UBAC2: variants seen among roughly 807,000 people sequenced by gnomAD.
UBAC2 encodes the protein ubiquitin-associated domain-containing protein 2.
Under a neutral mutation model 44.0 loss-of-function variants are expected in UBAC2, and 26 were observed. The observed-to-expected ratio is 0.59, with a 90% CI of 0.43 to 0.82. The LOEUF (loss-of-function observed/expected upper bound fraction) is 0.82. Among genes scored for constraint, UBAC2 ranks in the 40% least tolerant of loss-of-function variants. The pLI, the probability that UBAC2 is intolerant of heterozygous loss-of-function variation, is 0.00. For missense variants in UBAC2, 329 were observed against 419.4 expected, an observed-to-expected ratio of 0.78 and a Z score of 1.88; for synonymous variants, 155 against 154.3, an observed-to-expected ratio of 1.00 and a Z score of -0.04.
chr13:99,251,458 C>T (rs2043457137), intron 4 of UBAC2, among the ~76,000 whole-genome samples: 1 of 152,194 alleles, frequency 6.6e-6, no homozygotes, highest in African/African-American at 2.4e-5. Context: ...TTCTCTACTT[C>T]TACTGTCATT....
intron 6 of UBAC2, among the ~76,000 whole-genome samples, chr13:99,328,089 G>A (rs560591737): frequency 3.3e-5 from 5 of 151,834 alleles, no homozygotes; most frequent in Middle Eastern, 3.5e-3. Context: ...CATATACTTA[G>A]TATTGTATAA....
At chr13:99,335,455 T>C (rs1214433517) in intron 6 of UBAC2, among the ~76,000 whole-genome samples, 1 of 152,124 alleles carries the variant, frequency 6.6e-6, no homozygotes. Flanking sequence ...TGCCTCTGCC[T>C]ACCCCCTACC....
chr13:99,255,615 T>C (rs765850458), intron 4 of UBAC2: 1 of 1,614,128 alleles, frequency 6.2e-7, no homozygotes, highest in Admixed American at 1.7e-5. Flanking sequence ...CAAATGGCCA[T>C]TCATCTTTTG....
intron 1 of UBAC2, among the ~76,000 whole-genome samples, chr13:99,208,616 G>A (rs2042903042): frequency 6.6e-6 from 1 of 152,144 alleles, no homozygotes; most frequent in South Asian, 2.1e-4. Context: ...GTTAAGACTT[G>A]TAGTTGGCAA....
At chr13:99,305,009 G>A (rs1473668969) in intron 4 of UBAC2, among the ~76,000 whole-genome samples, 10 of 152,096 alleles carry the variant, frequency 6.6e-5, no homozygotes, top group South Asian at 2.1e-4. Context: ...AAATGAAGGA[G>A]TTTATTAGTT....
chr13:99,241,554 C>A (rs2043300152), intron 2 of UBAC2, among the ~76,000 whole-genome samples: 1 of 151,994 alleles, frequency 6.6e-6, no homozygotes, highest in African/African-American at 2.4e-5. Context: ...TTCATAGAGA[C>A]ATTAAGTAGA....
chr13:99,333,977 C>A (rs2044751945), intron 6 of UBAC2, among the ~76,000 whole-genome samples: 1 of 152,124 alleles, frequency 6.6e-6, no homozygotes, highest in Non-Finnish European at 1.5e-5. Flanking sequence ...GCAACAAGAT[C>A]TTGCTCCGTC....
intron 4 of UBAC2, among the ~76,000 whole-genome samples, chr13:99,309,727 A>C (rs1184981441): frequency 6.6e-6 from 1 of 151,964 alleles, no homozygotes; most frequent in Non-Finnish European, 1.5e-5. Context: ...CAGCTTCCTA[A>C]GTAGCTGGGG....
chr13:99,335,649 G>A (rs926254272), intron 6 of UBAC2, among the ~76,000 whole-genome samples: 5 of 152,152 alleles, frequency 3.3e-5, no homozygotes, highest in Non-Finnish European at 5.9e-5. Context: ...ATCAGTACAC[G>A]CACATGGAGT....
At chr13:99,276,458 T>G (rs1402004762) in intron 4 of UBAC2, among the ~76,000 whole-genome samples, 1 of 152,208 alleles carries the variant, frequency 6.6e-6, no homozygotes, top group East Asian at 1.9e-4. Context: ...TGGTTTATTA[T>G]AAAGGATACA....
At chr13:99,215,642 A>G (rs2042983865) in intron 1 of UBAC2, 7 of 1,356,644 alleles carry the variant, frequency 5.2e-6, no homozygotes, top group South Asian at 3.8e-5. Context: ...CCGTCGTCCT[A>G]GATTTCAGGT....
At chr13:99,381,387 T>C (rs1240146070) in intron 8 of UBAC2, among the ~76,000 whole-genome samples, 1 of 152,258 alleles carries the variant, frequency 6.6e-6, no homozygotes, top group African/African-American at 2.4e-5. Flanking sequence ...AATTGCTGAG[T>C]GTGGACAGCA....
At chr13:99,201,701 C>T in intron 1 of UBAC2, 1 of 919,586 alleles carries the variant, frequency 1.1e-6, no homozygotes, top group Non-Finnish European at 1.6e-6. Context: ...TCTAATTTTG[C>T]AATTGCTTGT....
intron 4 of UBAC2, among the ~76,000 whole-genome samples, chr13:99,285,871 G>A (rs913216185): frequency 1.3e-5 from 2 of 152,138 alleles, no homozygotes; most frequent in African/African-American, 4.8e-5. Context: ...ATATGAGATA[G>A]CCATTTTCCT....
intron 4 of UBAC2, among the ~76,000 whole-genome samples, chr13:99,257,791 A>G (rs1400446176): frequency 3.9e-5 from 6 of 152,234 alleles, no homozygotes. Flanking sequence ...ATTTACCATA[A>G]ACATTTTCTT....
chr13:99,237,166 T>C (rs2043243297), intron 1 of UBAC2, among the ~76,000 whole-genome samples: 1 of 152,130 alleles, frequency 6.6e-6, no homozygotes, highest in Non-Finnish European at 1.5e-5. Flanking sequence ...TTCTTTGTTG[T>C]ATACTTCCAT....
intron 4 of UBAC2, among the ~76,000 whole-genome samples, chr13:99,298,399 A>C (rs753730427): frequency 7.2e-5 from 11 of 152,208 alleles, no homozygotes; most frequent in Non-Finnish European, 8.8e-5. Context: ...TAAGGAACTC[A>C]TGGGTTAAAG....
At position 99,340,403 on chromosome 13, in the gene UBAC2, T is replaced by C. The variant is rs750897095; in HGVS notation, c.645T>C (p.Ser215=). 11 of 1,614,106 alleles carry C rather than the reference T, an allele frequency of 6.8e-6. No individual in the cohort carries two copies. The highest frequency in any genetic ancestry group is 4.4e-5 in the South Asian group (4 of 91,094). Reference sequence around the variant, plus strand: ...CCAGCTGGATGGCAAAATTCTTTTCTTGGACACTTGAACCCATCTTCTCTT... The same window carrying C: ...CCAGCTGGATGGCAAAATTCTTTTCCTGGACACTTGAACCCATCTTCTCTT... ...CIPSWMAKFF[S]WTLEPIFSSS... Residue 215 remains serine, a synonymous_variant, in exon 7 of 9, where the codon TCT becomes TCC. Coordinates refer to ENST00000403766, the MANE Select transcript of UBAC2 (RefSeq NM_001144072.2).
At chr13:99,324,191 A>G (rs945268881) in intron 6 of UBAC2, among the ~76,000 whole-genome samples, 3 of 152,174 alleles carry the variant, frequency 2.0e-5, no homozygotes, top group African/African-American at 4.8e-5. Context: ...TTTTTACTCT[A>G]GTATTTTTGT....
Sources: gnomAD v4.1 joint callset for allele counts (sites outside exome capture counted in the v4.1 genomes callset) on GRCh38, gnomAD v4.1.1 for gene constraint, MANE v1.5 for transcripts, NCBI Gene and HGNC (gene_info 2026-07-23, HGNC 2026-07-21) for gene names.